ARL11: variants seen among roughly 807,000 people sequenced by gnomAD.
The protein encoded by ARL11 is ADP-ribosylation factor-like protein 11.
For synonymous variants in ARL11, 91 were observed against 111.2 expected, an observed-to-expected ratio of 0.82 and a Z score of 1.15; for missense variants, 239 against 250.6, an observed-to-expected ratio of 0.95 and a Z score of 0.31.
chr13:49,630,721 G>C lies in ARL11; in HGVS notation c.274G>C (p.Asp92His), dbSNP rs757447757. 6.2e-6 allele frequency: 10 copies of C among 1,614,048 alleles called. No individual in the cohort carries two copies. The highest frequency in any genetic ancestry group is 5.0e-5 in the Admixed American group (3 of 60,006). The change falls in exon 2 of 2, where the codon GAT becomes CAT. Residue 92 changes from aspartate (D) to histidine (H), a missense_variant. Transcript: ENST00000282026. ...CCTCGTGTACGTGCTGGACAGCACAGATGAAGCCCGCTTACCCGAGTCGGC... is the reference window on the plus strand; with the variant it reads ...CCTCGTGTACGTGCTGGACAGCACACATGAAGCCCGCTTACCCGAGTCGGC... ...DILVYVLDST[D>H]EARLPESAAE...
intron 1 of ARL11, among the ~76,000 whole-genome samples, chr13:49,629,325 G>A (rs1258718142): frequency 6.6e-6 from 1 of 152,140 alleles, no homozygotes; most frequent in Non-Finnish European, 1.5e-5. Flanking sequence ...CACATGTGGA[G>A]TGTTGTAGAA....
rs1158867167 is a variant in ARL11 at position 49,630,953 on chromosome 13, T to G, written c.506T>G (p.Leu169Arg). Residue 169 changes from leucine (L) to arginine (R), a missense_variant, in exon 2 of 2, where the codon CTG becomes CGG. Leu to Arg is a moderately radical substitution (Grantham distance 102). Coordinates refer to ENST00000282026, the MANE Select transcript of ARL11 (RefSeq NM_138450.6). Reference protein sequence around the residue: ...GEGLPEALQSLWSLLKSRSCM... With the variant: ...GEGLPEALQSRWSLLKSRSCM... The stretch of plus-strand genomic sequence containing the variant: ...GGGCTGCCCGAGGCCCTGCAGAGCC[T>G]GTGGAGCCTCCTGAAATCTCGCAGC... The G allele has an allele frequency of 6.2e-7, 1 of 1,610,618 alleles. No homozygotes were observed. Among genetic ancestry groups the G allele is most frequent in the Non-Finnish European group, 8.5e-7 (1 of 1,178,246 alleles).
Position 49,630,537 on chromosome 13 carries a change from C to T in ARL11, c.90C>T (p.Tyr30=). The part of the protein sequence containing the change: ...LDSAGKTTLL[Y]KLKGHQLVET... ...CGGCGGGCAAGACCACGCTCCTTTA[C>T]AAGCTGAAGGGCCACCAGCTGGTGG... The change falls in exon 2 of 2, where the codon TAC becomes TAT. Residue 30 remains tyrosine, a synonymous_variant. Transcript: ENST00000282026. 6.2e-7 allele frequency: 1 copy of T among 1,614,028 alleles called. No homozygotes were observed. The highest frequency in any genetic ancestry group is 8.5e-7 in the Non-Finnish European group (1 of 1,180,030).
chr13:49,632,397 C>A lies in ARL11; in HGVS notation c.*1359C>A, dbSNP rs141821240. 2.2e-3 allele frequency: 362 copies of A among 167,068 alleles called. No homozygotes were observed. Among genetic ancestry groups the A allele is most frequent in the African/African-American group, 8.1e-3 (336 of 41,532 alleles). 10.3% of individuals were successfully genotyped at this position (167,068 alleles called of 1,614,324 possible). Reference sequence around the variant, plus strand: ...GGAAAAGGAAGGTTGACCATAGCATCCTAGAAGGCTCATCAGGTGATCATT... The same window carrying A: ...GGAAAAGGAAGGTTGACCATAGCATACTAGAAGGCTCATCAGGTGATCATT... On this transcript the variant is annotated 3_prime_UTR_variant, in exon 2 of 2. Transcript: ENST00000282026.
rs2137463232 is a variant in ARL11, at chr13:49,633,648, A to G, written c.*2610A>G. ...TATTATTAAGAAAAACAGTTGAGAG[A>G]GGAAGAATTTGAAGAGGGCTCAAGA... On this transcript the variant is annotated 3_prime_UTR_variant, in exon 2 of 2. Transcript: ENST00000282026. The G allele has an allele frequency of 6.0e-6, 1 of 167,162 alleles. No homozygotes were observed. The highest frequency in any genetic ancestry group is 6.5e-5 in the Admixed American group (1 of 15,292). 10.4% of individuals were successfully genotyped at this position (167,162 alleles called of 1,614,324 possible).
rs1964868288 is a variant in ARL11, at chr13:49,630,324, G to A, written c.-18-106G>A. On this transcript the variant is annotated intron_variant, in intron 1 of 1. Coordinates refer to ENST00000282026, the MANE Select transcript of ARL11 (RefSeq NM_138450.6). ...TGGGCTCAAGTGATCCTCCTGCCTT[G>A]GCCTCCCACAGTGCTGGGATTACAG... 7.6e-6 allele frequency: 6 copies of A among 785,458 alleles called. No individual in the cohort carries two copies. The South Asian group carries it at 1.1e-4, about 14-fold the overall frequency. The allele number at this position is 785,458 out of a possible 1,614,324, so 48.7% of individuals were successfully genotyped here.
rs766738083 is a variant in ARL11 at position 49,630,863 on chromosome 13, T to G, written c.416T>G (p.Leu139Arg). Residue 139 changes from leucine to arginine, a missense_variant, in exon 2 of 2, where the codon CTG becomes CGG. Transcript: ENST00000282026. ...ALPLLKIRNRLSLERFQDHCW... is the reference protein window; with the variant it reads ...ALPLLKIRNRRSLERFQDHCW... ...CCGCTGCTTAAGATCAGAAACAGGCTGAGTCTAGAGAGATTCCAGGACCAC... is the reference window on the plus strand; with the variant it reads ...CCGCTGCTTAAGATCAGAAACAGGCGGAGTCTAGAGAGATTCCAGGACCAC... 6.3e-7 allele frequency: 1 copy of G among 1,597,994 alleles called. No individual in the cohort carries two copies. The highest frequency in any genetic ancestry group is 8.5e-7 in the Non-Finnish European group (1 of 1,169,918).
Position 49,630,492 on chromosome 13 carries a change from G to C in ARL11, c.45G>C (p.Val15=). The change falls in exon 2 of 2, where the codon GTG becomes GTC. Residue 15 remains valine (V), a synonymous_variant. Transcript: ENST00000282026. ...NSRGHKAEAQ[V]VMMGLDSAGK... ...GAGGTCACAAGGCGGAAGCCCAGGT[G>C]GTGATGATGGGCCTGGACTCGGCGG... 1 of 1,613,840 alleles carries C rather than the reference G, an allele frequency of 6.2e-7. No homozygotes were observed. The highest frequency in any genetic ancestry group is 8.5e-7 in the Non-Finnish European group (1 of 1,179,938).
Position 49,631,179 on chromosome 13 carries a change from C to G in ARL11, c.*141C>G. 2 of 721,962 alleles carry G rather than the reference C, an allele frequency of 2.8e-6. No homozygotes were observed. Among genetic ancestry groups the G allele is most frequent in the Non-Finnish European group, 4.4e-6 (2 of 454,132 alleles). The allele number at this position is 721,962 out of a possible 1,614,324, so 44.7% of individuals were successfully genotyped here. The stretch of plus-strand genomic sequence containing the variant: ...CTGTAATCCCAGCACTGTGGGAGAC[C>G]ACGGTGGGGGAATCCCTTGAGCCCA... On this transcript the variant is annotated 3_prime_UTR_variant, in exon 2 of 2. Transcript: ENST00000282026.
intron 1 of ARL11, among the ~76,000 whole-genome samples, 189 bp downstream of exon 1, chr13:49,628,804 A>T (rs965852150): frequency 6.6e-6 from 1 of 152,140 alleles, no homozygotes; most frequent in Non-Finnish European, 1.5e-5. Context: ...CTTTAAAAAC[A>T]TATGTGGCTG....
Position 49,633,319 on chromosome 13 carries a change from A to G in ARL11, c.*2281A>G, listed in dbSNP as rs1964904254. The G allele has an allele frequency of 6.0e-6, 1 of 167,112 alleles. No individual in the cohort carries two copies. Among genetic ancestry groups the G allele is most frequent in the Admixed American group, 6.5e-5 (1 of 15,282 alleles). 10.4% of individuals were successfully genotyped at this position (167,112 alleles called of 1,614,324 possible). The stretch of plus-strand genomic sequence containing the variant: ...GAAGGGAGGTGTAAGAAAGATAAGT[A>G]AGTCAGTGTACTTGCAACAGAGGCT... On this transcript the variant is annotated 3_prime_UTR_variant, in exon 2 of 2. Coordinates refer to ENST00000282026, the MANE Select transcript of ARL11 (RefSeq NM_138450.6).
At position 49,630,936 on chromosome 13, in the gene ARL11, C is replaced by A; in HGVS notation, c.489C>A (p.Pro163=). 1.9e-6 allele frequency: 3 copies of A among 1,604,540 alleles called. No homozygotes were observed. In the South Asian group the frequency reaches 3.3e-5, roughly 18 times the overall value. The change falls in exon 2 of 2, where the codon CCC becomes CCA. Residue 163 remains proline (P), a synonymous_variant. Transcript: ENST00000282026. ...GTGCCCTCACTGGGGAGGGGCTGCC[C>A]GAGGCCCTGCAGAGCCTGTGGAGCC... ...GCSALTGEGL[P]EALQSLWSLL...
intron 1 of ARL11, 24 bp from the exon 2 acceptor site, chr13:49,630,406 T>C (rs1437873462): frequency 6.7e-7 from 1 of 1,493,138 alleles, no homozygotes; most frequent in East Asian, 2.3e-5. Context: ...GTAGCTGATG[T>C]GTGCCCTGGC....
chr13:49,631,093 T>C lies in ARL11; in HGVS notation c.*55T>C, dbSNP rs1594392112. ...ACAAACTAGAAGAACCAGCTGATCC[T>C]TGAGAAATTTACGCTTAGTCTATCA... On this transcript the variant is annotated 3_prime_UTR_variant, in exon 2 of 2. Coordinates refer to ENST00000282026, the MANE Select transcript of ARL11 (RefSeq NM_138450.6). 2.8e-6 allele frequency: 4 copies of C among 1,449,408 alleles called. No homozygotes were observed. The highest frequency in any genetic ancestry group is 3.7e-6 in the Non-Finnish European group (4 of 1,078,712). The allele number at this position is 1,449,408 out of a possible 1,614,324, so 89.8% of individuals were successfully genotyped here.
chr13:49,628,952 G>A (rs1964852891), intron 1 of ARL11, among the ~76,000 whole-genome samples: 1 of 152,212 alleles, frequency 6.6e-6, no homozygotes, highest in Non-Finnish European at 1.5e-5. Flanking sequence ...GTAGCTGGGT[G>A]GTAGTAGTAG....
At chr13:49,630,196 C>A in intron 1 of ARL11, 2 of 411,470 alleles carry the variant, frequency 4.9e-6, no homozygotes, top group South Asian at 3.3e-5. Flanking sequence ...TTTGGAAAAA[C>A]TCTTCCGTTG....
intron 1 of ARL11, among the ~76,000 whole-genome samples, chr13:49,629,122 G>C (rs757493429): frequency 2.6e-5 from 4 of 152,012 alleles, no homozygotes; most frequent in Non-Finnish European, 4.4e-5. Flanking sequence ...CAACAAAAAT[G>C]TGTGATGGCA....
rs1164940860 is a variant in ARL11 at position 49,633,355 on chromosome 13, G to T, written c.*2317G>T. 2 of 167,068 alleles carry T rather than the reference G, an allele frequency of 1.2e-5. No individual in the cohort carries two copies. The highest frequency in any genetic ancestry group is 1.9e-4 in the East Asian group (1 of 5,200). 10.3% of individuals were successfully genotyped at this position (167,068 alleles called of 1,614,324 possible). On this transcript the variant is annotated 3_prime_UTR_variant, in exon 2 of 2. Coordinates refer to ENST00000282026, the MANE Select transcript of ARL11 (RefSeq NM_138450.6). ...CTTGCAACAGAGGCTTGGGATGAAG[G>T]GTGGGTGAAGTTGACATCACGATAG...
chr13:49,628,910 G>C (rs1197762766), intron 1 of ARL11, among the ~76,000 whole-genome samples: 1 of 152,260 alleles, frequency 6.6e-6, no homozygotes, highest in Non-Finnish European at 1.5e-5. Context: ...GGCCAACATG[G>C]TGAAACCTCG....
Sources: allele counts gnomAD v4.1 joint callset (sites outside exome capture counted in the v4.1 genomes callset), GRCh38; gene constraint gnomAD v4.1.1; transcripts MANE v1.5; gene names NCBI Gene and HGNC (gene_info 2026-07-23, HGNC 2026-07-21).